Variants in CHODL observed in about 807,000 individuals in gnomAD.
CHODL encodes the protein transmembrane protein MT75.
CHODL carries 29 observed loss-of-function variants against 34.5 expected under a neutral mutation model. The ratio of observed to expected loss-of-function variants is 0.84; its 90% confidence interval spans 0.63 to 1.15. The LOEUF (loss-of-function observed/expected upper bound fraction) is 1.15. Among genes scored for constraint, CHODL ranks in the 50% most tolerant of loss-of-function variants. The pLI is 0.00. For missense variants in CHODL, 332 were observed against 332.5 expected (o/e 1.00, Z 0.01); for synonymous variants, 125 against 116.1 (o/e 1.08, Z -0.49).
chr21:17,988,067 T>C (rs1166942971), intron 1 of CHODL, among the ~76,000 whole-genome samples: 1 of 103,832 alleles, frequency 9.6e-6, no homozygotes, highest in Non-Finnish European at 1.9e-5. Context: ...AAAGTCATTA[T>C]GAAAATATAA....
At chr21:18,260,428 A>T in intron 4 of CHODL, 142 bp downstream of exon 4, 1 of 528,612 alleles carries the variant, frequency 1.9e-6, no homozygotes, top group South Asian at 2.6e-5. Context: ...CTTTTGAACT[A>T]GGTTAGAAAA....
intron 2 of CHODL, among the ~76,000 whole-genome samples, chr21:18,086,812 TG>T: frequency 6.6e-6 from 1 of 152,318 alleles, no homozygotes; most frequent in African/African-American, 2.4e-5. Context: ...TAGTGGCTTC[TG>T]AAGGGCTGAT....
intron 2 of CHODL, among the ~76,000 whole-genome samples, chr21:18,040,853 A>G (rs553705523): frequency 6.6e-6 from 1 of 151,940 alleles, no homozygotes; most frequent in Admixed American, 6.6e-5. Context: ...ACATTTCATG[A>G]CTGATTTCTC....
At chr21:18,159,881 G>A (rs2073076305) in intron 2 of CHODL, among the ~76,000 whole-genome samples, 3 of 152,100 alleles carry the variant, frequency 2.0e-5, no homozygotes, top group African/African-American at 7.2e-5. Context: ...CAAGGACTGT[G>A]GGCAGCCTCT....
At chr21:18,185,527 G>C (rs920051914) in intron 2 of CHODL, among the ~76,000 whole-genome samples, 1 of 151,976 alleles carries the variant, frequency 6.6e-6, no homozygotes, top group African/African-American at 2.4e-5. Context: ...ACAATCCTTT[G>C]GGATCCCTCT....
chr21:18,216,037 T>C (rs2073824689), intron 2 of CHODL, among the ~76,000 whole-genome samples: 1 of 152,046 alleles, frequency 6.6e-6, no homozygotes, highest in African/African-American at 2.4e-5. Context: ...TGCTAAGATA[T>C]GCAAAATATA....
chr21:18,227,280 G>A (rs1315089456), intron 2 of CHODL, among the ~76,000 whole-genome samples: 1 of 152,144 alleles, frequency 6.6e-6, no homozygotes, highest in Admixed American at 6.6e-5. Flanking sequence ...CATTCAGACT[G>A]TAGCAATAAT....
chr21:18,161,509 C>T (rs1039075918), intron 2 of CHODL, among the ~76,000 whole-genome samples: 2 of 152,202 alleles, frequency 1.3e-5, no homozygotes, highest in African/African-American at 2.4e-5. Flanking sequence ...TCTCTTTTCA[C>T]ACTTCACACC....
At chr21:17,941,286 CTTTTT>C (rs34255623) in intron 1 of CHODL, among the ~76,000 whole-genome samples, 16 of 87,954 alleles carry the variant, frequency 1.8e-4, no homozygotes, top group Non-Finnish European at 3.2e-4. Context: ...TAACTTGCCT[CTTTTT>C]TTTTTTTTTT....
rs779813753 is a variant in CHODL, at chr21:17,919,669, A to G, written c.-145+2269A>G. Among the ~76,000 whole-genome samples, 99 of 152,108 alleles carry G rather than the reference A, an allele frequency of 6.5e-4. 1 individual carries two copies. The highest frequency in any genetic ancestry group is 9.8e-4 in the Non-Finnish European group (67 of 68,022). On this transcript the variant is annotated intron_variant, in intron 1 of 6. Transcript: ENST00000400127. ...TTTTCCCACTGTCTCGGGGATTAAC[A>G]TTTGGCTCCTTGTTACTTATGCAAA...
intron 2 of CHODL, among the ~76,000 whole-genome samples, chr21:18,125,104 G>T (rs2065525952): frequency 6.6e-6 from 1 of 152,202 alleles, no homozygotes; most frequent in Admixed American, 6.5e-5. Flanking sequence ...TAGCTGTTTA[G>T]TCTTAAGCCA....
intron 1 of CHODL, among the ~76,000 whole-genome samples, chr21:18,247,328 A>G (rs537861637): frequency 6.6e-6 from 1 of 152,168 alleles, no homozygotes; most frequent in African/African-American, 2.4e-5. Flanking sequence ...AACGTATGGA[A>G]TATATTTCTA....
chr21:18,193,698 A>G (rs1304803504), intron 2 of CHODL, among the ~76,000 whole-genome samples: 20 of 128,708 alleles, frequency 1.6e-4, no homozygotes, highest in African/African-American at 7.1e-4. Context: ...TCTGTCTCAG[A>G]AAAAAAAAAA....
intron 2 of CHODL, among the ~76,000 whole-genome samples, chr21:18,239,523 A>G (rs1184187586): frequency 6.6e-6 from 1 of 152,004 alleles, no homozygotes; most frequent in Non-Finnish European, 1.5e-5. Flanking sequence ...CTTTGGCACT[A>G]TTGTTTCCTA....
intron 1 of CHODL, among the ~76,000 whole-genome samples, chr21:18,016,986 T>C (rs2064081164): frequency 6.6e-6 from 1 of 152,244 alleles, no homozygotes; most frequent in African/African-American, 2.4e-5. Context: ...AAGAGGAGCA[T>C]TTACTTAATG....
At chr21:17,964,365 A>G (rs962177775) in intron 1 of CHODL, among the ~76,000 whole-genome samples, 1 of 152,252 alleles carries the variant, frequency 6.6e-6, no homozygotes, top group Non-Finnish European at 1.5e-5. Flanking sequence ...ACACACACGC[A>G]CACATGCGTG....
At chr21:18,055,108 C>A (rs2064562774) in intron 2 of CHODL, among the ~76,000 whole-genome samples, 1 of 152,010 alleles carries the variant, frequency 6.6e-6, no homozygotes, top group Admixed American at 6.6e-5. Flanking sequence ...ATTGTGGCAT[C>A]TCTCCTCACT....
intron 2 of CHODL, among the ~76,000 whole-genome samples, chr21:18,145,909 A>T (rs2072879697): frequency 6.6e-6 from 1 of 152,186 alleles, no homozygotes; most frequent in South Asian, 2.1e-4. Context: ...AATTGTGCAC[A>T]TCAAGAAAGA....
chr21:17,952,180 G>A (rs1460530323), intron 1 of CHODL, among the ~76,000 whole-genome samples: 5 of 98,078 alleles, frequency 5.1e-5, no homozygotes, highest in Non-Finnish European at 9.1e-5. Flanking sequence ...ATTGTGCAGA[G>A]CAATACTATG....
Sources: allele counts gnomAD v4.1 joint callset (sites outside exome capture counted in the v4.1 genomes callset), GRCh38; gene constraint gnomAD v4.1.1; transcripts MANE v1.5; gene names NCBI Gene and HGNC (gene_info 2026-07-23, HGNC 2026-07-21).